The following CNNM2 variants were observed in gnomAD, a reference collection of about 807,000 sequenced individuals.
The protein encoded by CNNM2 is metal transporter CNNM2.
A neutral mutation model predicts 66.9 loss-of-function variants in CNNM2; 12 were observed. That is an observed-to-expected ratio of 0.18 (90% CI 0.11 to 0.29). CNNM2 has a LOEUF of 0.29. Among genes scored for constraint, CNNM2 ranks in the 10% least tolerant of loss-of-function variants. The probability of loss-of-function intolerance (pLI) is 1.00; values close to 1 mark genes in which losing one functional copy is unlikely to be tolerated. For missense variants in CNNM2, 705 were observed against 1,167.7 expected (o/e 0.60, Z 5.77); for synonymous variants, 557 against 501.8 (o/e 1.11, Z -1.47).
chr10:102,999,653 C>T (rs537961136), intron 1 of CNNM2, among the ~76,000 whole-genome samples: 4 of 152,084 alleles, frequency 2.6e-5, no homozygotes, highest in African/African-American at 4.8e-5. Context: ...TGCCCTTCCC[C>T]CCCCACCTCT....
intron 1 of CNNM2, among the ~76,000 whole-genome samples, chr10:102,922,095 A>G (rs942970744): frequency 2.6e-5 from 4 of 152,240 alleles, no homozygotes; most frequent in Admixed American, 6.5e-5. Context: ...TATGAATTCT[A>G]GAAAAATAAT....
chr10:103,058,071 TGTG>T (rs1371036040), intron 4 of CNNM2, among the ~76,000 whole-genome samples: 5 of 152,328 alleles, frequency 3.3e-5, no homozygotes, highest in African/African-American at 1.2e-4. Flanking sequence ...TGGGCAGCAT[TGTG>T]GTGTTTGGAA....
At chr10:103,002,694 G>T (rs2064144760) in intron 1 of CNNM2, among the ~76,000 whole-genome samples, 2 of 152,100 alleles carry the variant, frequency 1.3e-5, no homozygotes, top group African/African-American at 2.4e-5. Flanking sequence ...GGTCAGACTT[G>T]TTTCGAACTC....
intron 1 of CNNM2, among the ~76,000 whole-genome samples, chr10:102,934,007 CTTTTT>C (rs34063291): frequency 7.4e-6 from 1 of 135,250 alleles, no homozygotes. Flanking sequence ...CTTATTTTAA[CTTTTT>C]TTTTTTTTTT....
At chr10:102,944,847 C>T (rs1040791404) in intron 1 of CNNM2, among the ~76,000 whole-genome samples, 6 of 152,106 alleles carry the variant, frequency 3.9e-5, no homozygotes, top group Admixed American at 2.0e-4. Flanking sequence ...AGAATAGCTC[C>T]TTTGCCTTTT....
At chr10:103,028,706 G>GA (rs956253858) in intron 1 of CNNM2, among the ~76,000 whole-genome samples, 25 of 149,966 alleles carry the variant, frequency 1.7e-4, no homozygotes, top group African/African-American at 5.4e-4. Flanking sequence ...TGTGTCCCAG[G>GA]AAAAAAAAGA....
At chr10:102,985,307 A>T (rs2063779174) in intron 1 of CNNM2, among the ~76,000 whole-genome samples, 5 of 151,990 alleles carry the variant, frequency 3.3e-5, no homozygotes, top group Admixed American at 3.3e-4. Context: ...TCCTCTGTAT[A>T]TTCCTATTTT....
intron 1 of CNNM2, among the ~76,000 whole-genome samples, chr10:102,961,499 A>G (rs2063379817): frequency 6.6e-6 from 1 of 152,186 alleles, no homozygotes; most frequent in Non-Finnish European, 1.5e-5. Context: ...ATAGAAATAA[A>G]TATTTACATT....
intron 1 of CNNM2, among the ~76,000 whole-genome samples, chr10:103,030,586 C>T (rs2064804870): frequency 6.6e-6 from 1 of 152,084 alleles, no homozygotes; most frequent in Non-Finnish European, 1.5e-5. Flanking sequence ...CGTGGTGGCA[C>T]ACCTGTAGTC....
chr10:102,969,268 C>T (rs551243464), intron 1 of CNNM2, among the ~76,000 whole-genome samples: 1 of 151,650 alleles, frequency 6.6e-6, no homozygotes, highest in African/African-American at 2.4e-5. Context: ...GGTTGGAGTG[C>T]AATGGGGCAA....
chr10:103,071,668 C>T (rs1263456809), intron 5 of CNNM2, 106 bp from the exon 6 acceptor site: 4 of 873,840 alleles, frequency 4.6e-6, no homozygotes, highest in Admixed American at 1.7e-5. Flanking sequence ...CAACTGAATG[C>T]TCATATTGTA....
At chr10:102,939,845 G>A (rs1846363081) in intron 1 of CNNM2, among the ~76,000 whole-genome samples, 1 of 152,094 alleles carries the variant, frequency 6.6e-6, no homozygotes, top group African/African-American at 2.4e-5. Context: ...GCGCACACCT[G>A]TAATCCCAGC....
At chr10:103,073,512 C>A (rs1003232317) in intron 6 of CNNM2, among the ~76,000 whole-genome samples, 3 of 152,138 alleles carry the variant, frequency 2.0e-5, no homozygotes, top group African/African-American at 7.2e-5. Context: ...ATGTGCAAAA[C>A]CTTGGTCATG....
At chr10:102,920,980 A>C in intron 1 of CNNM2, 2 of 488,354 alleles carry the variant, frequency 4.1e-6, no homozygotes, top group Non-Finnish European at 5.3e-6. Context: ...TGACTCTTTC[A>C]GTTTAACGTG....
chr10:103,060,808 T>C (rs1564866100), intron 4 of CNNM2, among the ~76,000 whole-genome samples: 1 of 152,198 alleles, frequency 6.6e-6, no homozygotes, highest in Admixed American at 6.5e-5. Context: ...GACTGACTTC[T>C]TCCTTGCATA....
At chr10:102,950,885 C>T (rs780784240) in intron 1 of CNNM2, among the ~76,000 whole-genome samples, 28 of 151,750 alleles carry the variant, frequency 1.8e-4, no homozygotes, top group Non-Finnish European at 5.9e-5. Context: ...TACATTAGGA[C>T]ATATCTCTAT....
At chr10:103,052,831 C>G (rs1169739219) in intron 2 of CNNM2, among the ~76,000 whole-genome samples, 1 of 152,162 alleles carries the variant, frequency 6.6e-6, no homozygotes, top group East Asian at 1.9e-4. Context: ...TATTCTTGAT[C>G]TGGATAGAGA....
chr10:102,991,111 C>T (rs1272994515), intron 1 of CNNM2, among the ~76,000 whole-genome samples: 4 of 152,178 alleles, frequency 2.6e-5, no homozygotes, highest in East Asian at 3.9e-4. Flanking sequence ...CTCAGCCTCC[C>T]GAGTAGCTGG....
chr10:102,932,721 CA>C (rs1421543825), intron 1 of CNNM2, among the ~76,000 whole-genome samples: 1 of 151,990 alleles, frequency 6.6e-6, no homozygotes, highest in African/African-American at 2.4e-5. Flanking sequence ...AGTTCAAGAC[CA>C]GCCTGGCCAA....
Sources: gnomAD v4.1 joint callset for allele counts (sites outside exome capture counted in the v4.1 genomes callset) on GRCh38, gnomAD v4.1.1 for gene constraint, MANE v1.5 for transcripts, NCBI Gene and HGNC (gene_info 2026-07-23, HGNC 2026-07-21) for gene names.